The following CCDC18 variants were observed in gnomAD, a reference collection of about 807,000 sequenced individuals.
The protein encoded by CCDC18 is coiled-coil domain-containing protein 18.
In CCDC18, 157 loss-of-function variants were observed where a neutral mutation model predicts 196.0. That is an observed-to-expected ratio of 0.80 (90% confidence interval 0.70 to 0.91). CCDC18 has a LOEUF of 0.91. CCDC18 is among the 40% of genes least tolerant of loss of function. The pLI, the probability that CCDC18 is intolerant of heterozygous loss-of-function variation, is 0.00. For missense variants in CCDC18, 1,465 were observed against 1,611.6 expected (o/e 0.91, Z 1.56); for synonymous variants, 482 against 529.2 (o/e 0.91, Z 1.22).
At chr1:93,228,158 G>A (rs918238991) in intron 17 of CCDC18, among the ~76,000 whole-genome samples, 2 of 151,890 alleles carry the variant, frequency 1.3e-5, no homozygotes, top group Non-Finnish European at 2.9e-5. Flanking sequence ...GTGACTCAGA[G>A]ATTATTATAA....
chr1:93,209,985 C>T (rs1334019032), intron 9 of CCDC18, among the ~76,000 whole-genome samples: 1 of 151,982 alleles, frequency 6.6e-6, no homozygotes, highest in Non-Finnish European at 1.5e-5. Flanking sequence ...TGCTTGAGTC[C>T]AAGAGTTCGA....
At chr1:93,258,916 G>C (rs1261273135) in intron 26 of CCDC18, 31 bp downstream of exon 26, 1 of 1,566,950 alleles carries the variant, frequency 6.4e-7, no homozygotes, top group African/African-American at 1.4e-5. Context: ...TTTTGTTAGT[G>C]CCCACTAAAG....
At chr1:93,179,988 G>A (rs1649242584), upstream of CCDC18, 5 of 1,508,466 alleles carry the variant, frequency 3.3e-6, no homozygotes, top group African/African-American at 1.4e-5. Flanking sequence ...TTTCTAAACG[G>A]GTGAGAGGCG....
At position 93,228,805 on chromosome 1, in the gene CCDC18, G is replaced by C. The variant is rs552248628; in HGVS notation, c.2292+2356G>C. On this transcript the variant is annotated intron_variant, in intron 17 of 28. Transcript: ENST00000690025. Reference sequence around the variant, plus strand: ...GACTTGGCAGAGATGGAATCTACCTGGAGGTAGGCAGCATTTGTAACAGGA... The same window carrying C: ...GACTTGGCAGAGATGGAATCTACCTCGAGGTAGGCAGCATTTGTAACAGGA... Among the ~76,000 whole-genome samples the C allele has an allele frequency of 5.9e-5, 9 of 152,184 alleles. No homozygotes were observed. In the East Asian group the frequency reaches 1.5e-3, roughly 26 times the overall value.
Position 93,221,707 on chromosome 1 carries a change from T to G in CCDC18, c.2061T>G (p.Leu687=), listed in dbSNP as rs2102226820. ...QQDIICKQHH[L]ESLDRLLTES... Reference sequence around the variant, plus strand: ...ATATAATATGCAAACAACATCATCTTGAATCACTAGATAGACTCTTGACGG... The same window carrying G: ...ATATAATATGCAAACAACATCATCTGGAATCACTAGATAGACTCTTGACGG... The change falls in exon 15 of 29, where the codon CTT becomes CTG. Residue 687 remains leucine, a synonymous_variant. Coordinates refer to ENST00000690025, the MANE Select transcript of CCDC18 (RefSeq NM_001378204.1). The G allele has an allele frequency of 6.3e-7, 1 of 1,597,764 alleles. No individual in the cohort carries two copies. The highest frequency in any genetic ancestry group is 2.3e-5 in the East Asian group (1 of 44,290).
At chr1:93,265,019 A>AAAACC (rs2101345623) in intron 27 of CCDC18, 118 bp downstream of exon 27, 2 of 655,830 alleles carry the variant, frequency 3.0e-6, no homozygotes, top group South Asian at 3.9e-5. Context: ...TGTTTGAATA[A>AAAACC]AAACCATTTG....
At chr1:93,272,829 G>A (rs984273457) in intron 28 of CCDC18, among the ~76,000 whole-genome samples, 1 of 152,166 alleles carries the variant, frequency 6.6e-6, no homozygotes, top group African/African-American at 2.4e-5. Flanking sequence ...AACAGCTGTT[G>A]GATATTGATA....
intron 21 of CCDC18, among the ~76,000 whole-genome samples, chr1:93,240,872 A>G (rs779521260): frequency 2.6e-5 from 4 of 152,160 alleles, no homozygotes; most frequent in Non-Finnish European, 4.4e-5. Context: ...CAGTTGCTCA[A>G]ACCACAAATA....
At chr1:93,197,458 A>T (rs1652917757) in intron 6 of CCDC18, among the ~76,000 whole-genome samples, 1 of 152,178 alleles carries the variant, frequency 6.6e-6, no homozygotes, top group East Asian at 1.9e-4. Context: ...TCTCAGCAAA[A>T]TAAAATTTAA....
chr1:93,254,780 T>G (rs1432192556), intron 24 of CCDC18, among the ~76,000 whole-genome samples, 166 bp downstream of exon 24: 2 of 152,144 alleles, frequency 1.3e-5, no homozygotes, highest in Non-Finnish European at 2.9e-5. Flanking sequence ...CCTTTTAAAA[T>G]ATTTTTCTGA....
In CCDC18 at chr1:93,227,971, A is replaced by AAAAATAT. The variant is rs57726461; in HGVS notation, c.2292+1523_2292+1524insAAATATA. 7.7e-4 allele frequency among the ~76,000 whole-genome samples: 97 copies of AAAAATAT among 125,310 alleles called. 1 individual carries two copies. The highest frequency in any genetic ancestry group is 1.5e-3 in the African/African-American group (43 of 29,560). 82.2% of individuals were successfully genotyped at this position (125,310 alleles called of 152,430 possible). On this transcript the variant is annotated intron_variant, in intron 17 of 28. Transcript: ENST00000690025. ...AGACCCTATCTCAAAAAAAAAAAAA[A>AAAAATAT]ATATATATATATATATATTTATTTA...
chr1:93,265,956 G>A (rs148837687), intron 27 of CCDC18, among the ~76,000 whole-genome samples: 105 of 152,176 alleles, frequency 6.9e-4, no homozygotes, highest in African/African-American at 2.1e-3. Flanking sequence ...AATAGACATC[G>A]ACAGAACTCT....
chr1:93,198,235 T>C (rs1056577985), intron 6 of CCDC18, among the ~76,000 whole-genome samples: 2 of 152,218 alleles, frequency 1.3e-5, no homozygotes, highest in Admixed American at 1.3e-4. Flanking sequence ...TTGTTAAATG[T>C]TCATCAACAG....
chr1:93,226,354 T>C lies in CCDC18; in HGVS notation c.2197T>C (p.Leu733=), dbSNP rs1413054699. 9 of 1,563,750 alleles carry C rather than the reference T, an allele frequency of 5.8e-6. No homozygotes were observed. Among genetic ancestry groups the C allele is most frequent in the South Asian group, 1.1e-5 (1 of 87,388 alleles). ...TIKVRQLDSA[L]EICKEELVLH... is the part of the protein sequence containing the mutation. ...TTAGGTTAGGCAACTAGATTCAGCA[T>C]TGGAAATTTGTAAGGAAGAACTTGT... is the stretch of plus-strand genomic sequence containing the variant. Residue 733 remains leucine (L), a synonymous_variant, in exon 17 of 29, where the codon TTG becomes CTG. Coordinates refer to ENST00000690025, the MANE Select transcript of CCDC18 (RefSeq NM_001378204.1).
At chr1:93,224,458 T>C (rs1419218487) in intron 16 of CCDC18, among the ~76,000 whole-genome samples, 1 of 152,216 alleles carries the variant, frequency 6.6e-6, no homozygotes, top group African/African-American at 2.4e-5. Context: ...TTGTCCTTTA[T>C]AGCCTTGCTA....
In CCDC18 at chr1:93,180,915, G is replaced by A. The variant is rs1023800936; in HGVS notation, c.-3+63G>A. On this transcript the variant is annotated intron_variant, in intron 1 of 28. Coordinates refer to ENST00000690025, the MANE Select transcript of CCDC18 (RefSeq NM_001378204.1). The stretch of plus-strand genomic sequence containing the variant: ...ACTGCGCCTTGGCGTGGGGAAACCG[G>A]CTTACCTGGGGGAGTTCTGTTCCTT... 3.0e-6 allele frequency: 4 copies of A among 1,345,422 alleles called. No individual in the cohort carries two copies. In the African/African-American group the frequency reaches 5.9e-5, roughly 20 times the overall value. The allele number at this position is 1,345,422 out of a possible 1,614,324, so 83.3% of individuals were successfully genotyped here. A position where few individuals can be genotyped will look rare whatever the true frequency, so the allele number is the denominator to read the frequency against.
At position 93,243,900 on chromosome 1, in the gene CCDC18, A is replaced by G. The variant is rs182717205; in HGVS notation, c.2982-2205A>G. Among the ~76,000 whole-genome samples the G allele has an allele frequency of 6.1e-3, 934 of 151,992 alleles. 19 individuals carry two copies. Among genetic ancestry groups the G allele is most frequent in the Non-Finnish European group, 4.6e-3 (313 of 67,962 alleles). ...TCTAGGAAGTTCCAAATTTTCCCAC[A>G]TTTTCCTGTATTCTTCTGAGCCCTC... On this transcript the variant is annotated intron_variant, in intron 21 of 28. Transcript: ENST00000690025.
At chr1:93,237,655 ATACTT>A (rs1660243000) in intron 19 of CCDC18, among the ~76,000 whole-genome samples, 1 of 152,136 alleles carries the variant, frequency 6.6e-6, no homozygotes, top group South Asian at 2.1e-4. Context: ...AGTATATACT[ATACTT>A]GGTGAACCTC....
chr1:93,198,043 GC>G (rs953981320), intron 6 of CCDC18, among the ~76,000 whole-genome samples: 22 of 151,966 alleles, frequency 1.4e-4, no homozygotes, highest in Non-Finnish European at 2.8e-4. Flanking sequence ...GAGCCACCGC[GC>G]CCGGCCCACT....
Sources: allele counts gnomAD v4.1 joint callset (sites outside exome capture counted in the v4.1 genomes callset), GRCh38; gene constraint gnomAD v4.1.1; transcripts MANE v1.5; gene names NCBI Gene and HGNC (gene_info 2026-07-23, HGNC 2026-07-21).